Variants in DCUN1D3 observed in about 807,000 individuals in gnomAD.
DCUN1D3 encodes the protein defective in cullin neddylation 1 domain containing 3.
In DCUN1D3, 6 loss-of-function variants were observed where a neutral mutation model predicts 24.8. The ratio of observed to expected loss-of-function variants is 0.24; its 90% confidence interval spans 0.13 to 0.48. DCUN1D3 has a LOEUF of 0.48. DCUN1D3 is among the 20% of genes least tolerant of loss of function. The pLI, the probability that DCUN1D3 is intolerant of heterozygous loss-of-function variation, is 0.99. For missense variants in DCUN1D3, 258 were observed against 379.4 expected, an observed-to-expected ratio of 0.68 and a Z score of 2.66; for synonymous variants, 120 against 144.9, an observed-to-expected ratio of 0.83 and a Z score of 1.24.
rs552447472 is a variant in DCUN1D3, at chr16:20,860,600, G to A, written c.432-231C>T. On this transcript the variant is annotated intron_variant, in intron 2 of 2. Coordinates refer to ENST00000324344, the MANE Select transcript of DCUN1D3 (RefSeq NM_173475.4). The surrounding 1 kb of genome is among the most constrained non-coding windows in gnomAD (Gnocchi z 4.3). The stretch of plus-strand genomic sequence containing the variant: ...TACTATTCTGCTTCTAACAGTGCCT[G>A]GCACACGGTTGGCAGCTGATAATGG... 2.0e-4 allele frequency among the ~76,000 whole-genome samples: 31 copies of A among 152,320 alleles called. No homozygotes were observed. Among genetic ancestry groups the A allele is most frequent in the African/African-American group, 7.0e-4 (29 of 41,562 alleles).
At chr16:20,865,560 T>C (rs1435695953) in intron 1 of DCUN1D3, among the ~76,000 whole-genome samples, 2 of 152,156 alleles carry the variant, frequency 1.3e-5, no homozygotes, top group Non-Finnish European at 2.9e-5. Flanking sequence ...GAAATTACGT[T>C]GTTAATGAAG....
rs554917376 is a variant in DCUN1D3 at position 20,865,694 on chromosome 16, T to C, written c.-105-3051A>G. 7.2e-5 allele frequency among the ~76,000 whole-genome samples: 11 copies of C among 152,298 alleles called. No individual in the cohort carries two copies. The South Asian group carries it at 1.2e-3, about 17-fold the overall frequency. ...CTCTATGATCCAAACTAAAAGATCT[T>C]TGAAAACCGGCAGTGGGACAGAAGG... On this transcript the variant is annotated intron_variant, in intron 1 of 2. Coordinates refer to ENST00000324344, the MANE Select transcript of DCUN1D3 (RefSeq NM_173475.4).
rs541439502 is a variant in DCUN1D3, at chr16:20,856,384, ACCAGC to A, written c.*3497_*3501del. The A allele has an allele frequency of 5.3e-5, 8 of 152,314 alleles. No individual in the cohort carries two copies. Among genetic ancestry groups the A allele is most frequent in the African/African-American group, 1.9e-4 (8 of 41,570 alleles). The allele number at this position is 152,314 out of a possible 1,614,324, so 9.4% of individuals were successfully genotyped here. A position where few individuals can be genotyped will look rare whatever the true frequency, so the allele number is the denominator to read the frequency against. ...AACTACTATGGGACTCCATTTTGGC[ACCAGC>A]CCCTAGAGACCAGTACTGCTTCAAA... On this transcript the variant is annotated 3_prime_UTR_variant, in exon 3 of 3. Transcript: ENST00000324344.
rs570282932 is a variant in DCUN1D3, at chr16:20,856,937, A to G, written c.*2949T>C. The G allele has an allele frequency of 1.4e-4, 21 of 152,228 alleles. No homozygotes were observed. The East Asian group carries it at 3.9e-3, about 28-fold the overall frequency. 9.4% of individuals were successfully genotyped at this position (152,228 alleles called of 1,614,324 possible). On this transcript the variant is annotated 3_prime_UTR_variant, in exon 3 of 3. Coordinates refer to ENST00000324344, the MANE Select transcript of DCUN1D3 (RefSeq NM_173475.4). ...TCCTGCCCCTCTCCACATCACCCTG[A>G]TGTTCTGTTGCTAAGCAAGGAGTGT...
chr16:20,871,831 G>A (rs1277330998), intron 1 of DCUN1D3, among the ~76,000 whole-genome samples: 1 of 152,166 alleles, frequency 6.6e-6, no homozygotes, highest in Non-Finnish European at 1.5e-5. Flanking sequence ...CCACTTATGT[G>A]CAAGGGGGAG....
At chr16:20,884,608 G>A (rs886195290) in intron 1 of DCUN1D3, among the ~76,000 whole-genome samples, 12 of 152,314 alleles carry the variant, frequency 7.9e-5, no homozygotes, top group African/African-American at 2.9e-4. Flanking sequence ...TTAGATCTTA[G>A]TGGGAAGGCA....
At chr16:20,875,544 AAAAC>A (rs1418209511) in intron 1 of DCUN1D3, among the ~76,000 whole-genome samples, 5 of 152,228 alleles carry the variant, frequency 3.3e-5, no homozygotes, top group Admixed American at 1.3e-4. Context: ...AACGGGAACT[AAAAC>A]AAATCACTGT....
chr16:20,868,965 C>G (rs903913765), intron 1 of DCUN1D3: 1 of 152,780 alleles, frequency 6.5e-6, no homozygotes, highest in Admixed American at 6.5e-5. Context: ...TTCTCTCCCT[C>G]AGTCTCAGCC....
intron 1 of DCUN1D3, among the ~76,000 whole-genome samples, chr16:20,881,439 C>T (rs777435734): frequency 2.6e-5 from 4 of 152,140 alleles, no homozygotes; most frequent in Admixed American, 6.5e-5. Flanking sequence ...TTTACCCTTA[C>T]TTCTATGATG....
At chr16:20,867,078 T>TA (rs1237581924) in intron 1 of DCUN1D3, among the ~76,000 whole-genome samples, 4 of 152,192 alleles carry the variant, frequency 2.6e-5, no homozygotes, top group African/African-American at 9.6e-5. Flanking sequence ...GGCACTATGC[T>TA]AAGCACTTTT....
chr16:20,880,235 G>A (rs1214362601), intron 1 of DCUN1D3, among the ~76,000 whole-genome samples: 3 of 152,144 alleles, frequency 2.0e-5, no homozygotes, highest in Non-Finnish European at 4.4e-5. Context: ...GAGAAAGGCT[G>A]TTGTCATTTT....
chr16:20,864,784 T>C (rs898341885), intron 1 of DCUN1D3, among the ~76,000 whole-genome samples: 3 of 151,694 alleles, frequency 2.0e-5, no homozygotes, highest in African/African-American at 7.3e-5. Context: ...ATGTGGTCCA[T>C]ATACACCACG....
chr16:20,887,733 G>C (rs1313817672), intron 1 of DCUN1D3, among the ~76,000 whole-genome samples: 1 of 152,156 alleles, frequency 6.6e-6, no homozygotes, highest in Non-Finnish European at 1.5e-5. Flanking sequence ...CTCTTTATCT[G>C]AGACTCTGTC....
chr16:20,884,899 A>T, intron 1 of DCUN1D3, among the ~76,000 whole-genome samples: 1 of 152,136 alleles, frequency 6.6e-6, no homozygotes, highest in East Asian at 1.9e-4. Flanking sequence ...TGGGCAACAG[A>T]GTAAGACCCC....
At chr16:20,862,072 C>CT (rs1369061598) in intron 2 of DCUN1D3, 36 bp downstream of exon 2, 1 of 1,602,614 alleles carries the variant, frequency 6.2e-7, no homozygotes, top group African/African-American at 1.3e-5. Context: ...CTTTCCTCCA[C>CT]TGCTCACCTG....
At chr16:20,895,436 G>A (rs970176748) in intron 1 of DCUN1D3, among the ~76,000 whole-genome samples, 1 of 151,932 alleles carries the variant, frequency 6.6e-6, no homozygotes, top group Non-Finnish European at 1.5e-5. Flanking sequence ...ACTGTATTAG[G>A]CATTATAAGT....
intron 1 of DCUN1D3, among the ~76,000 whole-genome samples, chr16:20,872,228 T>C (rs1340038037): frequency 6.6e-6 from 1 of 152,212 alleles, no homozygotes; most frequent in Non-Finnish European, 1.5e-5. Context: ...CACTGAAAAT[T>C]AGTGAACTGG....
At chr16:20,899,082 A>G (rs1378891966) in intron 1 of DCUN1D3, among the ~76,000 whole-genome samples, 1 of 152,272 alleles carries the variant, frequency 6.6e-6, no homozygotes, top group Non-Finnish European at 1.5e-5. Flanking sequence ...CACAAGCTGA[A>G]CGTGTCACTG....
intron 1 of DCUN1D3, among the ~76,000 whole-genome samples, chr16:20,862,931 A>G (rs188640782): frequency 1.1e-4 from 17 of 152,350 alleles, no homozygotes; most frequent in Non-Finnish European, 2.1e-4. Context: ...AAAGACTGAC[A>G]GAAATATTCC....
Sources: gnomAD v4.1 joint callset for allele counts (sites outside exome capture counted in the v4.1 genomes callset) on GRCh38, gnomAD v4.1.1 for gene constraint, Gnocchi (gnomAD v3.1) non-coding constraint, MANE v1.5 for transcripts, NCBI Gene and HGNC (gene_info 2026-07-23, HGNC 2026-07-21) for gene names.